BCHE: variants seen among roughly 807,000 people sequenced by gnomAD.
The protein encoded by BCHE is butyrylcholinesterase.
In BCHE, 48 loss-of-function variants were observed where a neutral mutation model predicts 51.3. That is an observed-to-expected ratio of 0.94 (90% CI 0.74 to 1.19). The LOEUF is 1.19. BCHE is among the 50% of genes most tolerant of loss of function. BCHE has a pLI of 0.00. For missense variants in BCHE, 847 were observed against 708.2 expected (o/e 1.20, Z -2.23); for synonymous variants, 251 against 238.0 (o/e 1.05, Z -0.50).
chr3:165,824,824 T>C (rs1396579173), intron 2 of BCHE, among the ~76,000 whole-genome samples: 1 of 151,922 alleles, frequency 6.6e-6, no homozygotes, highest in Non-Finnish European at 1.5e-5. Flanking sequence ...TTTAAATATT[T>C]ATATAAATTA....
At position 165,786,202 on chromosome 3, in the gene BCHE, G is replaced by A. The variant is rs199660374; in HGVS notation, c.1627C>T (p.Arg543Cys). ...TESTRIMTKLRAQQCRFWTSF... is the reference protein window; with the variant it reads ...TESTRIMTKLCAQQCRFWTSF... The stretch of plus-strand genomic sequence containing the variant: ...GTCCAGAATCGACATTGTTGAGCAC[G>A]TAGTTTCGTCATTATTCTTGTTGAC... Residue 543 changes from arginine (R) to cysteine (C), a missense_variant, in exon 3 of 4, where the codon CGT (arginine) becomes TGT (cysteine). By Grantham distance (180) the Arg-to-Cys change is radical. Transcript: ENST00000264381. 5.7e-5 allele frequency: 92 copies of A among 1,612,108 alleles called. No individual in the cohort carries two copies. Among genetic ancestry groups the A allele is most frequent in the East Asian group, 2.2e-4 (10 of 44,746 alleles).
chr3:165,781,640 T>G (rs1346402825), intron 3 of BCHE, among the ~76,000 whole-genome samples: 4 of 152,036 alleles, frequency 2.6e-5, no homozygotes, highest in African/African-American at 9.7e-5. Flanking sequence ...AGCTAGTGCA[T>G]GCGGGGCTTA....
At chr3:165,803,891 A>T (rs1326984056) in intron 2 of BCHE, among the ~76,000 whole-genome samples, 1 of 152,224 alleles carries the variant, frequency 6.6e-6, no homozygotes, top group Non-Finnish European at 1.5e-5. Flanking sequence ...ACTGGAAGTC[A>T]TCAGTATGTA....
chr3:165,816,536 A>G (rs1295047441), intron 2 of BCHE, among the ~76,000 whole-genome samples: 1 of 151,758 alleles, frequency 6.6e-6, no homozygotes, highest in Non-Finnish European at 1.5e-5. Flanking sequence ...CTCTCCTCTC[A>G]TTCTCTTTTG....
intron 1 of BCHE, among the ~76,000 whole-genome samples, chr3:165,836,298 T>C (rs1374867785): frequency 6.6e-6 from 1 of 151,984 alleles, no homozygotes; most frequent in Non-Finnish European, 1.5e-5. Context: ...CGCTTATCCT[T>C]AAACAAAGTA....
At chr3:165,805,741 A>G (rs1185461204) in intron 2 of BCHE, among the ~76,000 whole-genome samples, 2 of 152,114 alleles carry the variant, frequency 1.3e-5, no homozygotes, top group African/African-American at 4.8e-5. Context: ...TAGAAATGAC[A>G]CATTTCTTTT....
intron 1 of BCHE, 66 bp from the exon 2 acceptor site, chr3:165,831,107 G>T: frequency 7.5e-7 from 1 of 1,337,326 alleles, no homozygotes; most frequent in Non-Finnish European, 1.0e-6. Context: ...CTTTATTGAT[G>T]ATAATTACCT....
At chr3:165,794,193 A>G (rs1297795246) in intron 2 of BCHE, among the ~76,000 whole-genome samples, 1 of 152,216 alleles carries the variant, frequency 6.6e-6, no homozygotes, top group Non-Finnish European at 1.5e-5. Flanking sequence ...ATGCATTACT[A>G]GTAATTTAAT....
chr3:165,775,489 T>C (rs867754676), intron 3 of BCHE, among the ~76,000 whole-genome samples: 1 of 151,702 alleles, frequency 6.6e-6, no homozygotes, highest in Non-Finnish European at 1.5e-5. Context: ...CAAAATGTTG[T>C]TTTAAATCTT....
At position 165,773,157 on chromosome 3, in the gene BCHE, A is replaced by G. The variant is rs1019811739; in HGVS notation, c.*225T>C. Reference sequence around the variant, plus strand: ...CATTGTTTTAATATGCACATAATTAACTGTAGAACTTTATATTGTGAAATT... The same window carrying G: ...CATTGTTTTAATATGCACATAATTAGCTGTAGAACTTTATATTGTGAAATT... On this transcript the variant is annotated 3_prime_UTR_variant, in exon 4 of 4. Transcript: ENST00000264381. 16 of 403,466 alleles carry G rather than the reference A, an allele frequency of 4.0e-5. No homozygotes were observed. The highest frequency in any genetic ancestry group is 3.3e-4 in the African/African-American group (16 of 48,568). 25.0% of individuals were successfully genotyped at this position (403,466 alleles called of 1,614,324 possible). A position where few individuals can be genotyped will look rare whatever the true frequency, so the allele number is the denominator to read the frequency against.
At chr3:165,799,526 G>A (rs917395839) in intron 2 of BCHE, among the ~76,000 whole-genome samples, 2 of 152,036 alleles carry the variant, frequency 1.3e-5, no homozygotes, top group African/African-American at 2.4e-5. Flanking sequence ...GTTGTATATA[G>A]GGAAAGTAAG....
At chr3:165,791,104 G>A (rs1199356746) in intron 2 of BCHE, among the ~76,000 whole-genome samples, 1 of 152,024 alleles carries the variant, frequency 6.6e-6, no homozygotes, top group Non-Finnish European at 1.5e-5. Context: ...ACACCAGCCT[G>A]GCCAACATGG....
At chr3:165,831,515 T>C (rs1202504290) in intron 1 of BCHE, among the ~76,000 whole-genome samples, 1 of 152,180 alleles carries the variant, frequency 6.6e-6, no homozygotes, top group Admixed American at 6.6e-5. Context: ...TAAGAACTTT[T>C]AAGGATCAAT....
intron 2 of BCHE, among the ~76,000 whole-genome samples, chr3:165,801,418 T>C (rs1713639202): frequency 6.6e-6 from 1 of 152,206 alleles, no homozygotes; most frequent in Non-Finnish European, 1.5e-5. Flanking sequence ...ATCAGAAGCA[T>C]CTTGTTTTAT....
chr3:165,809,445 A>G (rs934569481), intron 2 of BCHE, among the ~76,000 whole-genome samples: 1 of 152,092 alleles, frequency 6.6e-6, no homozygotes, highest in African/African-American at 2.4e-5. Context: ...TACTTATTGT[A>G]TACTTTTAAT....
At chr3:165,799,228 T>G (rs1484936949) in intron 2 of BCHE, among the ~76,000 whole-genome samples, 1 of 152,162 alleles carries the variant, frequency 6.6e-6, no homozygotes, top group Non-Finnish European at 1.5e-5. Context: ...ATGGCACAGA[T>G]TTCAACTTGG....
At position 165,777,572 on chromosome 3, in the gene BCHE, T is replaced by C. The variant is rs557402797; in HGVS notation, c.1685-4066A>G. On this transcript the variant is annotated intron_variant, in intron 3 of 3. Coordinates refer to ENST00000264381, the MANE Select transcript of BCHE (RefSeq NM_000055.4). ...TATAACGTACACATATGTATAGAGA[T>C]ATTAAAAACAAGTTTCTCCAAAGCA... The C allele has an allele frequency of 1.2e-5, 3 of 249,418 alleles. No homozygotes were observed. In the South Asian group the frequency reaches 1.2e-4, roughly 10 times the overall value. The allele number at this position is 249,418 out of a possible 1,614,324, so 15.5% of individuals were successfully genotyped here. A position where few individuals can be genotyped will look rare whatever the true frequency, so the allele number is the denominator to read the frequency against.
At chr3:165,780,909 G>C (rs954255395) in intron 3 of BCHE, among the ~76,000 whole-genome samples, 2 of 152,098 alleles carry the variant, frequency 1.3e-5, no homozygotes, top group African/African-American at 4.8e-5. Flanking sequence ...TCCCATTACT[G>C]GGTGTATACC....
At chr3:165,811,368 T>A (rs896383684) in intron 2 of BCHE, among the ~76,000 whole-genome samples, 1 of 152,088 alleles carries the variant, frequency 6.6e-6, no homozygotes, top group Non-Finnish European at 1.5e-5. Context: ...AGTGAAAACA[T>A]CCTTACCTAC....
Sources: gnomAD v4.1 joint callset for allele counts (sites outside exome capture counted in the v4.1 genomes callset) on GRCh38, gnomAD v4.1.1 for gene constraint, MANE v1.5 for transcripts, NCBI Gene and HGNC (gene_info 2026-07-23, HGNC 2026-07-21) for gene names.